The following CAMK1D variants were observed in gnomAD, a reference collection of about 807,000 sequenced individuals.
CAMK1D encodes calcium/calmodulin dependent protein kinase ID.
CAMK1D carries 9 observed loss-of-function variants against 47.7 expected under a neutral mutation model. The observed-to-expected ratio is 0.19, with a 90% confidence interval of 0.11 to 0.33. The LOEUF is 0.33. Among genes scored for constraint, CAMK1D ranks in the 10% least tolerant of loss-of-function variants. The probability of loss-of-function intolerance (pLI) is 1.00; values close to 1 mark genes in which losing one functional copy is unlikely to be tolerated. For synonymous variants in CAMK1D, 184 were observed against 184.9 expected (o/e 0.99, Z 0.04); for missense variants, 291 against 488.7 (o/e 0.60, Z 3.81).
At position 12,803,080 on chromosome 10, in the gene CAMK1D, A is replaced by G. The variant is rs375442970; in HGVS notation, c.642-11115A>G. Among the ~76,000 whole-genome samples the G allele has an allele frequency of 3.3e-5, 5 of 152,356 alleles. No individual in the cohort carries two copies. The East Asian group carries it at 9.6e-4, about 29-fold the overall frequency. On this transcript the variant is annotated intron_variant, in intron 6 of 10. Coordinates refer to ENST00000619168, the MANE Select transcript of CAMK1D (RefSeq NM_153498.4). ...AAGCAAGTAGCCTAATCTTTCATGC[A>G]TTTAATTCCTCATCTGGAAATTGAA...
At chr10:12,366,029 C>A (rs1837823507) in intron 1 of CAMK1D, among the ~76,000 whole-genome samples, 1 of 152,236 alleles carries the variant, frequency 6.6e-6, no homozygotes, top group African/African-American at 2.4e-5. Flanking sequence ...GCACTCCAGT[C>A]TGGGTGACAG....
intron 2 of CAMK1D, among the ~76,000 whole-genome samples, chr10:12,609,090 A>C (rs966628965): frequency 3.3e-5 from 5 of 152,214 alleles, no homozygotes; most frequent in Non-Finnish European, 7.3e-5. Context: ...GTGCATAGAC[A>C]CTCAACTGTG....
intron 2 of CAMK1D, among the ~76,000 whole-genome samples, chr10:12,606,034 G>A (rs964888623): frequency 2.6e-5 from 4 of 152,214 alleles, no homozygotes; most frequent in Admixed American, 6.5e-5. Flanking sequence ...AGGGCACATC[G>A]TCAGATCGAG....
chr10:12,449,926 A>G (rs1030893351), intron 1 of CAMK1D, among the ~76,000 whole-genome samples: 1 of 152,016 alleles, frequency 6.6e-6, no homozygotes, highest in Non-Finnish European at 1.5e-5. Flanking sequence ...TTGACTTGGG[A>G]GGCAGAGGTT....
intron 1 of CAMK1D, among the ~76,000 whole-genome samples, chr10:12,505,921 A>G (rs1296098834): frequency 6.6e-6 from 1 of 152,134 alleles, no homozygotes; most frequent in East Asian, 1.9e-4. Flanking sequence ...GTCAATGGAA[A>G]TCTACCATTT....
chr10:12,595,342 G>GAGAAAAAAA (rs1554794319), intron 2 of CAMK1D, among the ~76,000 whole-genome samples: 1 of 23,554 alleles, frequency 4.2e-5, no homozygotes, highest in African/African-American at 1.8e-4. Context: ...AACTCCATCT[G>GAGAAAAAAA]AAAAAAAAAA....
At chr10:12,662,410 T>C (rs1229820285) in intron 2 of CAMK1D, among the ~76,000 whole-genome samples, 1 of 152,158 alleles carries the variant, frequency 6.6e-6, no homozygotes, top group African/African-American at 2.4e-5. Flanking sequence ...TCCCAGCACT[T>C]TGGGAGGCCG....
rs1564407766 is a variant in CAMK1D at position 12,553,213 on chromosome 10, C to T, written c.93-12C>T. On this transcript the variant is annotated splice_polypyrimidine_tract_variant and intron_variant, in intron 1 of 10. Coordinates refer to ENST00000619168, the MANE Select transcript of CAMK1D (RefSeq NM_153498.4). ...TGCATCTAAGTGTTCTTTTTTCCTTCTTTGTTCACAGCGGGGCCTTTTCCG... is the reference window on the plus strand; with the variant it reads ...TGCATCTAAGTGTTCTTTTTTCCTTTTTTGTTCACAGCGGGGCCTTTTCCG... The T allele has an allele frequency of 6.2e-6, 10 of 1,610,982 alleles. No homozygotes were observed. Among genetic ancestry groups the T allele is most frequent in the Admixed American group, 5.1e-5 (3 of 59,078 alleles).
intron 1 of CAMK1D, among the ~76,000 whole-genome samples, chr10:12,504,849 C>T (rs1023182432): frequency 6.6e-6 from 1 of 152,188 alleles, no homozygotes; most frequent in Admixed American, 6.5e-5. Context: ...TGCACACAGC[C>T]TCAGGTTCCA....
At chr10:12,754,513 T>C (rs1013099706) in intron 3 of CAMK1D, among the ~76,000 whole-genome samples, 2 of 152,198 alleles carry the variant, frequency 1.3e-5, no homozygotes, top group African/African-American at 4.8e-5. Flanking sequence ...ATAAAGAGAA[T>C]GTATATTCAA....
intron 1 of CAMK1D, among the ~76,000 whole-genome samples, chr10:12,367,754 T>C (rs1237360186): frequency 6.6e-6 from 1 of 152,118 alleles, no homozygotes; most frequent in Non-Finnish European, 1.5e-5. Flanking sequence ...CAGGCAGTAC[T>C]GCAAGTGATG....
At chr10:12,401,044 T>C (rs530819825) in intron 1 of CAMK1D, among the ~76,000 whole-genome samples, 6 of 105,332 alleles carry the variant, frequency 5.7e-5, no homozygotes, top group African/African-American at 2.1e-4. Flanking sequence ...AATATATGTA[T>C]TATATATATT....
At chr10:12,468,951 T>G (rs2132070864) in intron 1 of CAMK1D, among the ~76,000 whole-genome samples, 1 of 152,266 alleles carries the variant, frequency 6.6e-6, no homozygotes, top group South Asian at 2.1e-4. Flanking sequence ...AGCAGCCTCT[T>G]TCTGGTCCCA....
At chr10:12,593,268 A>G (rs1052215865) in intron 2 of CAMK1D, among the ~76,000 whole-genome samples, 2 of 152,158 alleles carry the variant, frequency 1.3e-5, no homozygotes, top group African/African-American at 4.8e-5. Flanking sequence ...ATGATGATCA[A>G]TCTCCCTCTG....
chr10:12,511,716 T>G (rs946389258), intron 1 of CAMK1D, among the ~76,000 whole-genome samples: 3 of 152,256 alleles, frequency 2.0e-5, no homozygotes, highest in African/African-American at 7.2e-5. Flanking sequence ...TTGTTTGCTT[T>G]AAATCAGTCC....
At chr10:12,574,394 T>G (rs1393842703) in intron 2 of CAMK1D, among the ~76,000 whole-genome samples, 2 of 150,924 alleles carry the variant, frequency 1.3e-5, no homozygotes, top group Non-Finnish European at 2.9e-5. Context: ...CTCTGCTTCC[T>G]AGGTTCAAGC....
chr10:12,700,314 G>A lies in CAMK1D; in HGVS notation c.299+33504G>A, dbSNP rs192193862. ...ACTTAGAATCATGGCAAAGGGGGAA[G>A]CAAACATGTTCTTCTTCACGTGGTG... On this transcript the variant is annotated intron_variant, in intron 3 of 10. Coordinates refer to ENST00000619168, the MANE Select transcript of CAMK1D (RefSeq NM_153498.4). 5.9e-5 allele frequency among the ~76,000 whole-genome samples: 9 copies of A among 152,298 alleles called. No individual in the cohort carries two copies. The East Asian group carries it at 1.7e-3, about 29-fold the overall frequency.
intron 5 of CAMK1D, among the ~76,000 whole-genome samples, chr10:12,781,123 T>C (rs1235164579): frequency 6.6e-6 from 1 of 152,200 alleles, no homozygotes; most frequent in Non-Finnish European, 1.5e-5. Context: ...AGATACTTGA[T>C]GTGGGAGGGA....
At chr10:12,662,947 G>C (rs1478923062) in intron 2 of CAMK1D, among the ~76,000 whole-genome samples, 1 of 151,774 alleles carries the variant, frequency 6.6e-6, no homozygotes, top group Non-Finnish European at 1.5e-5. Context: ...TGTTTTTTTT[G>C]TTTGTTTGTT....
Sources: allele counts gnomAD v4.1 joint callset (sites outside exome capture counted in the v4.1 genomes callset), GRCh38; gene constraint gnomAD v4.1.1; transcripts MANE v1.5; gene names NCBI Gene and HGNC (gene_info 2026-07-23, HGNC 2026-07-21).